TENM4: variants seen among roughly 807,000 people sequenced by gnomAD.
The protein encoded by TENM4 is teneurin-4.
A neutral mutation model predicts 243.3 loss-of-function variants in TENM4; 82 were observed. The ratio of observed to expected loss-of-function variants is 0.34; its 90% CI spans 0.28 to 0.40. The LOEUF is 0.40. Among genes scored for constraint, TENM4 ranks in the 10% least tolerant of loss-of-function variants. The probability of loss-of-function intolerance (pLI) is 1.00; values close to 1 mark genes in which losing one functional copy is unlikely to be tolerated. For synonymous variants in TENM4, 1,412 were observed against 1,456.3 expected, an observed-to-expected ratio of 0.97 and a Z score of 0.69; for missense variants, 3,138 against 3,673.3, an observed-to-expected ratio of 0.85 and a Z score of 3.77.
At chr11:79,089,505 G>A (rs935728299) in intron 4 of TENM4, among the ~76,000 whole-genome samples, 1 of 152,158 alleles carries the variant, frequency 6.6e-6, no homozygotes, top group Non-Finnish European at 1.5e-5. Context: ...CCTCACCAGA[G>A]GGAAGTGCCC....
At chr11:79,179,201 C>T (rs1165012395) in intron 3 of TENM4, among the ~76,000 whole-genome samples, 1 of 152,230 alleles carries the variant, frequency 6.6e-6, no homozygotes, top group Non-Finnish European at 1.5e-5. Flanking sequence ...ACAACGTTTG[C>T]AAGAGCTGCT....
rs181838497 is a variant in TENM4 at position 78,829,560 on chromosome 11, T to C, written c.1682-15165A>G. On this transcript the variant is annotated intron_variant, in intron 12 of 33. Coordinates refer to ENST00000278550, the MANE Select transcript of TENM4 (RefSeq NM_001098816.3). Reference sequence around the variant, plus strand: ...AGCAAAACCATTGGGACAGGCCAAGTCGGAGGCTGCATGGTATAATGGAGA... The same window carrying C: ...AGCAAAACCATTGGGACAGGCCAAGCCGGAGGCTGCATGGTATAATGGAGA... Among the ~76,000 whole-genome samples, 135 of 152,240 alleles carry C rather than the reference T, an allele frequency of 8.9e-4. 1 individual carries two copies. Among genetic ancestry groups the C allele is most frequent in the African/African-American group, 3.2e-3 (133 of 41,560 alleles).
At chr11:79,102,876 G>A (rs2510135) in intron 4 of TENM4, among the ~76,000 whole-genome samples, 37,966 of 151,934 alleles carry the variant, frequency 0.25, 6,615 homozygotes, top group East Asian at 0.77. Flanking sequence ...TTTTTTTTAA[G>A]GTCACTTTTA....
At chr11:79,290,297 A>C (rs1156750832) in intron 2 of TENM4, among the ~76,000 whole-genome samples, 1 of 152,254 alleles carries the variant, frequency 6.6e-6, no homozygotes, top group African/African-American at 2.4e-5. Flanking sequence ...TCTCATTGGC[A>C]TAATGCTTTC....
At chr11:79,291,229 A>G (rs1264936217) in intron 2 of TENM4, among the ~76,000 whole-genome samples, 1 of 152,032 alleles carries the variant, frequency 6.6e-6, no homozygotes, top group Non-Finnish European at 1.5e-5. Context: ...CTTCTCAAAG[A>G]CAAAAAACTG....
At chr11:79,142,348 GA>G (rs146660803) in intron 4 of TENM4, among the ~76,000 whole-genome samples, 10,603 of 149,832 alleles carry the variant, frequency 0.071, 1,248 homozygotes, top group African/African-American at 0.24. Flanking sequence ...CAAACAATCA[GA>G]AAAAAAAATT....
chr11:78,948,476 G>A (rs1857049575), intron 6 of TENM4, among the ~76,000 whole-genome samples: 1 of 150,012 alleles, frequency 6.7e-6, no homozygotes, highest in Non-Finnish European at 1.5e-5. Flanking sequence ...CCGGGTTCAT[G>A]CCAGTCTCCT....
intron 2 of TENM4, among the ~76,000 whole-genome samples, chr11:79,269,222 CTTAG>C (rs752033949): frequency 2.6e-5 from 4 of 152,314 alleles, no homozygotes; most frequent in Non-Finnish European, 4.4e-5. Context: ...TTACAAAATT[CTTAG>C]TTAAAAACTA....
intron 6 of TENM4, among the ~76,000 whole-genome samples, chr11:78,922,793 T>C (rs647407): frequency 0.97 from 147,094 of 152,234 alleles, 71,190 homozygotes; most frequent in Non-Finnish European, 0.99. Flanking sequence ...AGGAGAGGCA[T>C]TCGGGAGGTT....
At chr11:79,325,518 G>A (rs1037051258) in intron 1 of TENM4, among the ~76,000 whole-genome samples, 6 of 152,172 alleles carry the variant, frequency 3.9e-5, no homozygotes, top group Non-Finnish European at 8.8e-5. Context: ...GTGAGCATGT[G>A]AGCATGGGCA....
chr11:79,056,297 C>A (rs1423579346), intron 6 of TENM4, among the ~76,000 whole-genome samples: 1 of 152,130 alleles, frequency 6.6e-6, no homozygotes, highest in Non-Finnish European at 1.5e-5. Flanking sequence ...TGCAATCTGT[C>A]TTAATTTACC....
chr11:79,133,636 G>GA (rs963023850), intron 4 of TENM4, among the ~76,000 whole-genome samples: 23 of 151,132 alleles, frequency 1.5e-4, no homozygotes, highest in Non-Finnish European at 2.4e-4. Flanking sequence ...AACAACATAT[G>GA]AAAAAAAAAT....
At position 78,670,047 on chromosome 11, in the gene TENM4, C is replaced by T. The variant is rs752288267; in HGVS notation, c.6298G>A (p.Glu2100Lys). 2.6e-5 allele frequency: 42 copies of T among 1,613,824 alleles called. No homozygotes were observed. The highest frequency in any genetic ancestry group is 6.7e-5 in the African/African-American group (5 of 74,902). Reference sequence around the variant, plus strand: ...TAGAGATCAATGGGCAGTGGGGTCTCGTTGATCACAGCCTGCATGCTGGTC... The same window carrying T: ...TAGAGATCAATGGGCAGTGGGGTCTTGTTGATCACAGCCTGCATGCTGGTC... ...RVTSMQAVIN[E>K]TPLPIDLYRY... The change falls in exon 32 of 34, where the codon GAG becomes AAG. Residue 2100 changes from glutamate to lysine, a missense_variant. Physicochemically the swap from Glu to Lys is moderately conservative, Grantham distance 56 (BLOSUM62 1). This residue lies in a region of TENM4 where 2,467 missense variants were observed against 3,059.1 expected (regional missense o/e 0.81). Coordinates refer to ENST00000278550, the MANE Select transcript of TENM4 (RefSeq NM_001098816.3).
intron 4 of TENM4, among the ~76,000 whole-genome samples, chr11:79,116,409 C>CATT (rs1020243596): frequency 4.6e-5 from 7 of 152,196 alleles, no homozygotes; most frequent in African/African-American, 1.7e-4. Context: ...TGTTTAACCA[C>CATT]TGACAGATGC....
At chr11:79,041,360 G>A (rs931809052) in intron 6 of TENM4, among the ~76,000 whole-genome samples, 51 of 152,012 alleles carry the variant, frequency 3.4e-4, no homozygotes, top group Non-Finnish European at 5.1e-4. Context: ...CATCATGCCC[G>A]GCCTCATTTG....
At chr11:79,320,276 A>T (rs180981320) in intron 1 of TENM4, among the ~76,000 whole-genome samples, 1 of 152,304 alleles carries the variant, frequency 6.6e-6, no homozygotes, top group Admixed American at 6.5e-5. Flanking sequence ...ATGTCTCCAT[A>T]GCATGGAATT....
intron 1 of TENM4, among the ~76,000 whole-genome samples, chr11:79,412,516 C>G (rs1445066318): frequency 6.6e-6 from 1 of 152,194 alleles, no homozygotes; most frequent in Non-Finnish European, 1.5e-5. Context: ...AACTTACTAC[C>G]CATGTGACCT....
intron 1 of TENM4, among the ~76,000 whole-genome samples, chr11:79,432,364 G>C (rs1859187661): frequency 6.6e-6 from 1 of 152,178 alleles, no homozygotes. Flanking sequence ...ATTGCTGACT[G>C]GTTCTCAGAA....
At chr11:78,939,349 A>C (rs962056747) in intron 6 of TENM4, among the ~76,000 whole-genome samples, 2 of 152,224 alleles carry the variant, frequency 1.3e-5, no homozygotes, top group East Asian at 3.8e-4. Flanking sequence ...CAAACTTTAC[A>C]GCGTGATCTT....
Sources: gnomAD v4.1 joint callset for allele counts (sites outside exome capture counted in the v4.1 genomes callset) on GRCh38, gnomAD v4.1.1 for gene constraint, gnomAD v4.1.1 regional missense constraint, MANE v1.5 for transcripts, NCBI Gene and HGNC (gene_info 2026-07-23, HGNC 2026-07-21) for gene names.